Variants in LAMB4 observed in about 807,000 individuals in gnomAD.
LAMB4 encodes the protein laminin subunit beta 4.
A neutral mutation model predicts 199.2 loss-of-function variants in LAMB4; 196 were observed. That is an observed-to-expected ratio of 0.98 (90% CI 0.88 to 1.11). The LOEUF (loss-of-function observed/expected upper bound fraction) is 1.11. Ranked by LOEUF, LAMB4 falls within the 50% of genes least tolerant of loss-of-function variation. The pLI is 0.00. For synonymous variants in LAMB4, 744 were observed against 770.6 expected, an observed-to-expected ratio of 0.97 and a Z score of 0.57; for missense variants, 2,080 against 2,171.2, an observed-to-expected ratio of 0.96 and a Z score of 0.83.
chr7:108,106,636 CTTT>C, intron 6 of LAMB4, 64 bp from the exon 7 acceptor site: 1 of 776,520 alleles, frequency 1.3e-6, no homozygotes, highest in African/African-American at 1.8e-5. Flanking sequence ...CAAACACACT[CTTT>C]TTTTTTTTCA....
At chr7:108,027,044 G>A (rs986513710) in intron 33 of LAMB4, 6 of 378,234 alleles carry the variant, frequency 1.6e-5, no homozygotes, top group African/African-American at 1.3e-4. Context: ...GGGATCAGTG[G>A]AAACAATGTG....
intron 1 of LAMB4, among the ~76,000 whole-genome samples, 151 bp from the exon 2 acceptor site, chr7:108,123,348 T>A (rs78002368): frequency 0.032 from 4,815 of 152,248 alleles, 230 homozygotes; most frequent in African/African-American, 0.11. Flanking sequence ...AAAATAAGAG[T>A]GCATAAACAT....
At chr7:108,129,467 A>G (rs1326385040) in intron 1 of LAMB4, among the ~76,000 whole-genome samples, 1 of 151,960 alleles carries the variant, frequency 6.6e-6, no homozygotes, top group East Asian at 1.9e-4. Flanking sequence ...GTCAGGACTC[A>G]TTAGATATTT....
At chr7:108,054,462 C>T (rs2035918297) in intron 25 of LAMB4, among the ~76,000 whole-genome samples, 1 of 152,150 alleles carries the variant, frequency 6.6e-6, no homozygotes, top group Non-Finnish European at 1.5e-5. Context: ...TATTTACACT[C>T]ATGTTATATA....
chr7:108,038,260 A>C (rs1170487163), intron 29 of LAMB4, among the ~76,000 whole-genome samples: 3 of 152,100 alleles, frequency 2.0e-5, no homozygotes, highest in African/African-American at 7.2e-5. Flanking sequence ...TCCTGGTTCA[A>C]GCGATTCTCC....
At chr7:108,023,386 C>A (rs2034732872), downstream of LAMB4, among the ~76,000 whole-genome samples, 1 of 152,112 alleles carries the variant, frequency 6.6e-6, no homozygotes, top group South Asian at 2.1e-4. Context: ...GATTGATAGT[C>A]TTTTAAAAAT....
At position 108,029,108 on chromosome 7, in the gene LAMB4, T is replaced by TA. The variant is rs2034940462; in HGVS notation, c.5080_5081insT (p.Lys1694IlefsTer35). 1.2e-6 allele frequency: 2 copies of TA among 1,614,180 alleles called. No individual in the cohort carries two copies. ...TTTTTCTGCCGCATCTTTTAGCTGT[T>TA]TAACTTTTCCTAATGTCTCCTTTGT... On this transcript the variant is annotated frameshift_variant, in exon 33 of 34. Transcript: ENST00000388781. LOFTEE classifies it high-confidence loss of function.
rs752219388 is a variant in LAMB4, at chr7:108,103,142, T to C, written c.1082A>G (p.Asp361Gly). 1.2e-6 allele frequency: 2 copies of C among 1,613,128 alleles called. No individual in the cohort carries two copies. The highest frequency in any genetic ancestry group is 1.3e-5 in the African/African-American group (1 of 75,020). The stretch of plus-strand genomic sequence containing the variant: ...CTGCCCCTCAGTGTTGTGCTGGCAG[T>C]CTTCACACACGCCCCCGCTGAGGCC... ...SGGLSGGVCE[D>G]CQHNTEGQHC... The change falls in exon 10 of 34, where the codon GAC (aspartate) becomes GGC (glycine). Residue 361 changes from aspartate to glycine, a missense_variant. Transcript: ENST00000388781.
chr7:108,120,205 C>A (rs925811803), intron 2 of LAMB4, among the ~76,000 whole-genome samples: 2 of 152,128 alleles, frequency 1.3e-5, no homozygotes, highest in African/African-American at 2.4e-5. Context: ...ATATAATAAT[C>A]TTTTCATGAA....
intron 10 of LAMB4, among the ~76,000 whole-genome samples, chr7:108,101,254 C>G (rs2037806756): frequency 6.6e-6 from 1 of 152,130 alleles, no homozygotes; most frequent in African/African-American, 2.4e-5. Context: ...GGCTCTTTAC[C>G]TAGCCATTTC....
downstream of LAMB4, among the ~76,000 whole-genome samples, chr7:108,021,565 C>T (rs762165984): frequency 7.2e-5 from 11 of 151,874 alleles, no homozygotes; most frequent in South Asian, 2.1e-4. Context: ...CAAAATTAGC[C>T]GGGCGTGGTG....
chr7:108,048,719 G>A (rs2035730384), intron 27 of LAMB4, among the ~76,000 whole-genome samples: 2 of 150,496 alleles, frequency 1.3e-5, no homozygotes, highest in Admixed American at 1.3e-4. Context: ...ATTGAGATGA[G>A]TCTCGCTCTC....
At chr7:108,104,959 T>A (rs1288242149) in intron 8 of LAMB4, among the ~76,000 whole-genome samples, 2 of 151,976 alleles carry the variant, frequency 1.3e-5, no homozygotes, top group African/African-American at 4.8e-5. Flanking sequence ...TATATAGGAT[T>A]TTTTAGGAGC....
chr7:108,080,816 T>C (rs1456906675), intron 14 of LAMB4, among the ~76,000 whole-genome samples: 1 of 150,414 alleles, frequency 6.6e-6, no homozygotes, highest in African/African-American at 2.5e-5. Flanking sequence ...TTTTCAAACA[T>C]TTAAAAAAAA....
chr7:108,056,833 G>A (rs2036000129), intron 24 of LAMB4, among the ~76,000 whole-genome samples: 1 of 152,038 alleles, frequency 6.6e-6, no homozygotes, highest in Non-Finnish European at 1.5e-5. Flanking sequence ...AGCCAGGTGT[G>A]GTGGCATACA....
At chr7:108,017,165 C>T in the LAMB4 span, among the ~76,000 whole-genome samples, 1 of 152,168 alleles carries the variant, frequency 6.6e-6, no homozygotes, top group Non-Finnish European at 1.5e-5. Context: ...TCACTGAAAG[C>T]TCGTTCAGCT....
At chr7:108,102,252 C>T (rs1377569031) in intron 10 of LAMB4, among the ~76,000 whole-genome samples, 2 of 152,140 alleles carry the variant, frequency 1.3e-5, no homozygotes, top group Non-Finnish European at 2.9e-5. Context: ...ACTAAGACTA[C>T]CTGATATAGA....
At chr7:108,037,660 T>A in intron 29 of LAMB4, 65 bp from the exon 30 acceptor site, 3 of 1,248,668 alleles carry the variant, frequency 2.4e-6, no homozygotes. Context: ...CTTAAAAGTA[T>A]AACCACAATG....
At chr7:108,051,166 T>C (rs2035814157) in intron 26 of LAMB4, among the ~76,000 whole-genome samples, 1 of 152,226 alleles carries the variant, frequency 6.6e-6, no homozygotes, top group Non-Finnish European at 1.5e-5. Flanking sequence ...TCTTCTAGAT[T>C]AGGAATCAGA....
Sources: allele counts gnomAD v4.1 joint callset (sites outside exome capture counted in the v4.1 genomes callset), GRCh38; gene constraint gnomAD v4.1.1; transcripts MANE v1.5; gene names NCBI Gene and HGNC (gene_info 2026-07-23, HGNC 2026-07-21).